GPR26: variants seen among roughly 807,000 people sequenced by gnomAD.
The protein encoded by GPR26 is G protein-coupled receptor 26.
In GPR26, 15 loss-of-function variants were observed where a neutral mutation model predicts 23.1. The observed-to-expected ratio is 0.65, with a 90% CI of 0.43 to 1.00. The LOEUF (loss-of-function observed/expected upper bound fraction) is 1.00, where lower values mean the gene tolerates loss of function less well. GPR26 is among the 50% of genes least tolerant of loss of function. GPR26 has a pLI of 0.00. For synonymous variants in GPR26, 228 were observed against 222.1 expected, an observed-to-expected ratio of 1.03 and a Z score of -0.24; for missense variants, 359 against 470.5, an observed-to-expected ratio of 0.76 and a Z score of 2.19.
chr10:123,668,506 CCAGA>C (rs1216442053), intron 1 of GPR26, among the ~76,000 whole-genome samples: 2 of 152,242 alleles, frequency 1.3e-5, no homozygotes, highest in Non-Finnish European at 2.9e-5. Context: ...TGTATATGTA[CCAGA>C]CAGCTGGCCA....
chr10:123,696,620 T>C lies in GPR26; in HGVS notation c.*8460T>C, dbSNP rs909880579. Among the ~76,000 whole-genome samples, 4 of 152,238 alleles carry C rather than the reference T, an allele frequency of 2.6e-5. No homozygotes were observed. Among genetic ancestry groups the C allele is most frequent in the Admixed American group, 2.6e-4 (4 of 15,286 alleles). ...AGAAAAATAAAAGATATTTCTTTCC[T>C]GGGGACAAAGTGACCTGCAAATGAT... On this transcript the variant is annotated 3_prime_UTR_variant, in exon 3 of 3. Transcript: ENST00000284674.
At chr10:123,686,374 C>T (rs1484453123) in intron 2 of GPR26, among the ~76,000 whole-genome samples, 1 of 152,098 alleles carries the variant, frequency 6.6e-6, no homozygotes, top group Non-Finnish European at 1.5e-5. Context: ...TATAGATTTC[C>T]TAAGTGTTCA....
At position 123,674,130 on chromosome 10, in the gene GPR26, G is replaced by A. The variant is rs967911060; in HGVS notation, c.669-688G>A. Among the ~76,000 whole-genome samples, 4 of 152,056 alleles carry A rather than the reference G, an allele frequency of 2.6e-5. No homozygotes were observed. Among genetic ancestry groups the A allele is most frequent in the Admixed American group, 1.3e-4 (2 of 15,260 alleles). ...CCACCACCACGCATGGCTAATTTTT[G>A]TATTTTTGGTACAGGCGAGGTTTCA... On this transcript the variant is annotated intron_variant, in intron 1 of 2. Coordinates refer to ENST00000284674, the MANE Select transcript of GPR26 (RefSeq NM_153442.4). This position sits in a 1 kb window ranked among gnomAD's most constrained non-coding sequence, Gnocchi z 4.1.
rs1845529690 is a variant in GPR26, at chr10:123,695,185, T to A, written c.*7025T>A. Among the ~76,000 whole-genome samples, 1 of 152,236 alleles carries A rather than the reference T, an allele frequency of 6.6e-6. No individual in the cohort carries two copies. Among genetic ancestry groups the A allele is most frequent in the Non-Finnish European group, 1.5e-5 (1 of 68,044 alleles). On this transcript the variant is annotated 3_prime_UTR_variant, in exon 3 of 3. Coordinates refer to ENST00000284674, the MANE Select transcript of GPR26 (RefSeq NM_153442.4). The stretch of plus-strand genomic sequence containing the variant: ...GGTCAAATTTGATGAGTCTAATCAA[T>A]CTTAGCAGTGTTCCAGTTCATCACG...
chr10:123,696,264 T>C lies in GPR26; in HGVS notation c.*8104T>C, dbSNP rs2362672. Among the ~76,000 whole-genome samples, 25,639 of 152,250 alleles carry C rather than the reference T, an allele frequency of 0.17. 2,555 individuals are homozygous for C. Among genetic ancestry groups the C allele is most frequent in the East Asian group, 0.42 (2,172 of 5,178 alleles). On this transcript the variant is annotated 3_prime_UTR_variant, in exon 3 of 3. Transcript: ENST00000284674. ...AGGCTTTACTCTGCCCAGTGTCCAA[T>C]GGGAGAACCATCCCTTCCCTTTAGT...
chr10:123,685,637 G>A (rs1234879995), intron 2 of GPR26, among the ~76,000 whole-genome samples: 2 of 152,214 alleles, frequency 1.3e-5, no homozygotes, highest in East Asian at 3.8e-4. Flanking sequence ...CAGTGTGGAC[G>A]GGCAAGTGAC....
chr10:123,681,639 C>A (rs891300145), intron 2 of GPR26, among the ~76,000 whole-genome samples: 1 of 152,176 alleles, frequency 6.6e-6, no homozygotes, highest in Non-Finnish European at 1.5e-5. Context: ...ATCTGCCACC[C>A]CTTTGAGTTG....
intron 2 of GPR26, among the ~76,000 whole-genome samples, chr10:123,678,904 A>G (rs942066819): frequency 1.3e-5 from 2 of 152,168 alleles, no homozygotes; most frequent in Admixed American, 6.5e-5. Flanking sequence ...TATTCCTTTG[A>G]GTCAGGGTTG....
rs1845554983 is a variant in GPR26 at position 123,697,211 on chromosome 10, CT to C, written c.*9052del. ...TTCTGTGTAATCCACTTGCCAACAG[CT>C]GTTTTCTGTTGAAATGGGACTCAAG... On this transcript the variant is annotated 3_prime_UTR_variant, in exon 3 of 3. Coordinates refer to ENST00000284674, the MANE Select transcript of GPR26 (RefSeq NM_153442.4). 6.6e-6 allele frequency among the ~76,000 whole-genome samples: 1 copy of C among 152,196 alleles called. No individual in the cohort carries two copies. Among genetic ancestry groups the C allele is most frequent in the South Asian group, 2.1e-4 (1 of 4,830 alleles).
chr10:123,696,521 G>C lies in GPR26; in HGVS notation c.*8361G>C, dbSNP rs139122419. Among the ~76,000 whole-genome samples the C allele has an allele frequency of 4.7e-3, 718 of 152,288 alleles. 5 individuals are homozygous for C. Among genetic ancestry groups the C allele is most frequent in the African/African-American group, 0.016 (660 of 41,568 alleles). Reference sequence around the variant, plus strand: ...GGAAACCTAAGGTATGTGCCAGCTGGTTTAGCATTCAATATGGAAATGCAC... The same window carrying C: ...GGAAACCTAAGGTATGTGCCAGCTGCTTTAGCATTCAATATGGAAATGCAC... On this transcript the variant is annotated 3_prime_UTR_variant, in exon 3 of 3. Transcript: ENST00000284674.
Position 123,666,541 on chromosome 10 carries a change from C to T in GPR26, c.134C>T (p.Thr45Ile). Residue 45 changes from threonine (T) to isoleucine (I), a missense_variant, in exon 1 of 3, where the codon ACC (threonine) becomes ATC (isoleucine). Transcript: ENST00000284674. ...DIRRQAPALF[T>I]LNLTCGNLLC... ...CGCCGCCAGGCGCCGGCGCTCTTCA[C>T]CCTGAACCTCACGTGCGGGAACCTG... is the stretch of plus-strand genomic sequence containing the variant. The T allele has an allele frequency of 6.3e-7, 1 of 1,593,298 alleles. No individual in the cohort carries two copies. The highest frequency in any genetic ancestry group is 2.3e-5 in the East Asian group (1 of 43,782).
At chr10:123,671,612 C>T (rs534343269) in intron 1 of GPR26, among the ~76,000 whole-genome samples, 3 of 152,318 alleles carry the variant, frequency 2.0e-5, no homozygotes, top group African/African-American at 4.8e-5. Flanking sequence ...GAACCTCACA[C>T]GCTCTGCACC....
intron 2 of GPR26, among the ~76,000 whole-genome samples, chr10:123,682,375 C>T (rs1400004573): frequency 1.3e-5 from 2 of 152,204 alleles, no homozygotes; most frequent in Non-Finnish European, 1.5e-5. Flanking sequence ...GCCGCCTGCA[C>T]TTGTGTACTG....
chr10:123,684,441 G>A (rs1255882344), intron 2 of GPR26, among the ~76,000 whole-genome samples: 1 of 152,146 alleles, frequency 6.6e-6, no homozygotes, highest in Non-Finnish European at 1.5e-5. Context: ...TTCTTCAGGT[G>A]GCATCTTGGT....
intron 2 of GPR26, among the ~76,000 whole-genome samples, chr10:123,675,805 T>TGTGTAC (rs1845299412): frequency 8.4e-6 from 1 of 119,650 alleles, no homozygotes; most frequent in African/African-American, 3.0e-5. Flanking sequence ...TTTCTGTGTG[T>TGTGTAC]GTGTGTGTGT....
intron 2 of GPR26, among the ~76,000 whole-genome samples, chr10:123,681,533 C>T (rs185566223): frequency 2.6e-5 from 4 of 152,298 alleles, no homozygotes; most frequent in East Asian, 1.9e-4. Context: ...TAAATGGAGA[C>T]GTGTCAAGAG....
chr10:123,685,757 C>T (rs1845425582), intron 2 of GPR26, among the ~76,000 whole-genome samples: 1 of 152,220 alleles, frequency 6.6e-6, no homozygotes, highest in Non-Finnish European at 1.5e-5. Context: ...CACATCTTGG[C>T]GTGGCCACTA....
intron 2 of GPR26, among the ~76,000 whole-genome samples, chr10:123,684,088 G>C (rs34165189): frequency 0.014 from 2,082 of 152,066 alleles, 29 homozygotes; most frequent in South Asian, 0.081. Flanking sequence ...TTTCCGGGGG[G>C]AGCTGTGTCA....
chr10:123,675,606 C>T (rs995944122), intron 2 of GPR26, among the ~76,000 whole-genome samples: 4 of 152,084 alleles, frequency 2.6e-5, no homozygotes, highest in African/African-American at 9.7e-5. Flanking sequence ...ATGTGTTAGC[C>T]AGAAAGAAGG....
Sources: gnomAD v4.1 joint callset for allele counts (sites outside exome capture counted in the v4.1 genomes callset) on GRCh38, gnomAD v4.1.1 for gene constraint, Gnocchi (gnomAD v3.1) non-coding constraint, MANE v1.5 for transcripts, NCBI Gene and HGNC (gene_info 2026-07-23, HGNC 2026-07-21) for gene names.